The following EPB41L3 variants were observed in gnomAD, a reference collection of about 807,000 sequenced individuals.
EPB41L3 encodes the protein band 4.1-like protein 3.
EPB41L3 carries 57 observed loss-of-function variants against 127.1 expected under a neutral mutation model. The ratio of observed to expected loss-of-function variants is 0.45; its 90% confidence interval spans 0.36 to 0.56. The LOEUF (loss-of-function observed/expected upper bound fraction) is 0.56. Ranked by LOEUF, EPB41L3 falls within the 20% of genes least tolerant of loss-of-function variation. EPB41L3 has a pLI of 0.00. For synonymous variants in EPB41L3, 572 were observed against 549.5 expected (o/e 1.04, Z -0.57); for missense variants, 1,273 against 1,372.2 (o/e 0.93, Z 1.14).
chr18:5,433,373 T>C (rs2079263352), intron 8 of EPB41L3, 96 bp downstream of exon 8: 9 of 828,188 alleles, frequency 1.1e-5, no homozygotes, highest in Non-Finnish European at 1.7e-5. Context: ...AGGTTTCATT[T>C]ACATTAACTG....
chr18:5,409,582 C>G (rs369540165), intron 14 of EPB41L3, among the ~76,000 whole-genome samples: 1 of 151,816 alleles, frequency 6.6e-6, no homozygotes, highest in South Asian at 2.1e-4. Flanking sequence ...AGGAAGAAAC[C>G]TAATAAAACG....
At chr18:5,598,254 A>T (rs1599210926) in intron 3 of EPB41L3, among the ~76,000 whole-genome samples, 1 of 152,264 alleles carries the variant, frequency 6.6e-6, no homozygotes, top group East Asian at 1.9e-4. Context: ...TTCTTACTAT[A>T]CTACAAAACA....
chr18:5,522,189 C>T (rs201397007), intron 1 of EPB41L3, among the ~76,000 whole-genome samples: 1 of 152,026 alleles, frequency 6.6e-6, no homozygotes, highest in Non-Finnish European at 1.5e-5. Context: ...CTGCAACCTC[C>T]GCCTCCCAGG....
intron 3 of EPB41L3, among the ~76,000 whole-genome samples, chr18:5,568,546 A>G (rs1403637334): frequency 6.6e-6 from 1 of 152,150 alleles, no homozygotes; most frequent in Admixed American, 6.6e-5. Context: ...GTATAGCCAC[A>G]TTGCTAGGGG....
At chr18:5,404,461 G>A (rs2075033510) in intron 16 of EPB41L3, among the ~76,000 whole-genome samples, 2 of 152,120 alleles carry the variant, frequency 1.3e-5, no homozygotes, top group Admixed American at 6.5e-5. Flanking sequence ...TAATTATGCT[G>A]AAAAAATCCT....
Position 5,606,934 on chromosome 18 carries a change from G to A in EPB41L3, c.-306+5406C>T, listed in dbSNP as rs536594945. Reference sequence around the variant, plus strand: ...TCTCTCTGTCTCTCTCTCTCTCTCCGTCTCTCTCTCTCTCCCTCAACCCCC... The same window carrying A: ...TCTCTCTGTCTCTCTCTCTCTCTCCATCTCTCTCTCTCTCCCTCAACCCCC... On this transcript the variant is annotated intron_variant, in intron 3 of 21. Coordinates refer to the EPB41L3 transcript ENST00000545076. 4.2e-4 allele frequency among the ~76,000 whole-genome samples: 58 copies of A among 137,208 alleles called. 1 individual carries two copies. Among genetic ancestry groups the A allele is most frequent in the Admixed American group, 4.4e-4 (6 of 13,716 alleles). 90.0% of individuals were successfully genotyped at this position (137,208 alleles called of 152,430 possible). A position where few individuals can be genotyped will look rare whatever the true frequency, so the allele number is the denominator to read the frequency against.
chr18:5,396,457 A>T, intron 18 of EPB41L3, 125 bp from the exon 19 acceptor site: 1 of 1,118,108 alleles, frequency 8.9e-7, no homozygotes. Context: ...TGTAGAGAGT[A>T]AGCTGGGGAA....
intron 3 of EPB41L3, among the ~76,000 whole-genome samples, chr18:5,605,157 C>T (rs1210181942): frequency 1.3e-5 from 2 of 152,146 alleles, no homozygotes; most frequent in African/African-American, 4.8e-5. Flanking sequence ...TCCAGTACTC[C>T]CCAGGTAAGG....
chr18:5,418,517 T>G (rs1198940205), intron 12 of EPB41L3, among the ~76,000 whole-genome samples: 1 of 152,186 alleles, frequency 6.6e-6, no homozygotes, highest in Admixed American at 6.5e-5. Flanking sequence ...GATTATATTC[T>G]TTTCTGTCCC....
At chr18:5,518,876 G>A (rs904487976) in intron 1 of EPB41L3, among the ~76,000 whole-genome samples, 2 of 152,110 alleles carry the variant, frequency 1.3e-5, no homozygotes, top group South Asian at 2.1e-4. Flanking sequence ...AAAGGAGTAC[G>A]CAAATTAAAA....
chr18:5,565,628 C>T (rs1156716792), intron 3 of EPB41L3, among the ~76,000 whole-genome samples: 5 of 130,274 alleles, frequency 3.8e-5, no homozygotes, highest in East Asian at 2.4e-4. Context: ...CTCCCCCCAC[C>T]CCACAACAGG....
intron 16 of EPB41L3, among the ~76,000 whole-genome samples, chr18:5,401,449 A>C (rs1286780267): frequency 6.6e-6 from 1 of 152,172 alleles, no homozygotes; most frequent in East Asian, 1.9e-4. Context: ...AAAAATTTAA[A>C]ATTTCTATTT....
intron 11 of EPB41L3, 111 bp downstream of exon 11, chr18:5,423,266 CT>C: frequency 8.7e-7 from 1 of 1,147,344 alleles, no homozygotes; most frequent in Non-Finnish European, 1.1e-6. Flanking sequence ...GCAACAACTG[CT>C]TTTCAACATA....
At chr18:5,623,778 A>G (rs1345374276) in intron 1 of EPB41L3, among the ~76,000 whole-genome samples, 1 of 151,384 alleles carries the variant, frequency 6.6e-6, no homozygotes, top group Non-Finnish European at 1.5e-5. Context: ...CTCCCAAGTA[A>G]CTGGGATCAC....
In EPB41L3 at chr18:5,407,676, GTTTGT is replaced by G. The variant is rs961162085; in HGVS notation, c.2157+20_2157+24del. 3.1e-6 allele frequency: 5 copies of G among 1,612,058 alleles called. No homozygotes were observed. The highest frequency in any genetic ancestry group is 2.7e-5 in the African/African-American group (2 of 74,990). On this transcript the variant is annotated intron_variant, in intron 15 of 22. Transcript: ENST00000341928. The stretch of plus-strand genomic sequence containing the variant: ...ACACTGTTGTTTTGTTGTTGTTGTT[GTTTGT>G]TTTATTTTTAATTTTCTACCTGTGC...
chr18:5,611,557 CTAA>C (rs1301426711), intron 3 of EPB41L3, among the ~76,000 whole-genome samples: 1 of 152,222 alleles, frequency 6.6e-6, no homozygotes, highest in Admixed American at 6.5e-5. Context: ...ACAACATACA[CTAA>C]TGAGGCCGAG....
intron 1 of EPB41L3, among the ~76,000 whole-genome samples, chr18:5,540,968 C>T (rs2093702921): frequency 6.6e-6 from 1 of 151,620 alleles, no homozygotes; most frequent in African/African-American, 2.4e-5. Context: ...GCCTGTAGTC[C>T]CAGCTACTCG....
In EPB41L3 at chr18:5,410,282, A is replaced by C. The variant is rs377381522; in HGVS notation, c.2121+284T>G. Among the ~76,000 whole-genome samples, 9 of 152,206 alleles carry C rather than the reference A, an allele frequency of 5.9e-5. No individual in the cohort carries two copies. The East Asian group carries it at 9.7e-4, about 16-fold the overall frequency. On this transcript the variant is annotated intron_variant, in intron 14 of 22. Transcript: ENST00000341928. The stretch of plus-strand genomic sequence containing the variant: ...TCTCAAAATATGTCCTAAGATGTGC[A>C]GAGTCAATATCGCCTGGGAACTTGT...
chr18:5,547,814 T>G (rs2093905612), upstream of EPB41L3, among the ~76,000 whole-genome samples: 1 of 152,146 alleles, frequency 6.6e-6, no homozygotes, highest in East Asian at 1.9e-4. Context: ...GCAATGATAA[T>G]TCCAACCTGA....
Sources: allele counts gnomAD v4.1 joint callset (sites outside exome capture counted in the v4.1 genomes callset), GRCh38; gene constraint gnomAD v4.1.1; transcripts MANE v1.5; gene names NCBI Gene and HGNC (gene_info 2026-07-23, HGNC 2026-07-21).